Variants in NRXN1 observed in about 807,000 individuals in gnomAD.
NRXN1 encodes neurexin 1, also known as neurexin-1.
In NRXN1, 39 loss-of-function variants were observed where a neutral mutation model predicts 150.9. The observed-to-expected ratio is 0.26, with a 90% CI of 0.20 to 0.34. The LOEUF (loss-of-function observed/expected upper bound fraction) is 0.34. NRXN1 is among the 10% of genes least tolerant of loss of function. NRXN1 has a pLI of 1.00. For missense variants in NRXN1, 1,815 were observed against 1,949.9 expected, an observed-to-expected ratio of 0.93 and a Z score of 1.30; for synonymous variants, 924 against 757.0, an observed-to-expected ratio of 1.22 and a Z score of -3.62.
chr2:49,977,883 T>C (rs1284062101), intron 21 of NRXN1, among the ~76,000 whole-genome samples: 3 of 152,090 alleles, frequency 2.0e-5, no homozygotes, highest in Non-Finnish European at 2.9e-5. Context: ...GGACAGAAAA[T>C]GTAGCGGGGC....
At chr2:50,645,902 C>T (rs1345573895) in intron 5 of NRXN1, among the ~76,000 whole-genome samples, 1 of 151,836 alleles carries the variant, frequency 6.6e-6, no homozygotes, top group Non-Finnish European at 1.5e-5. Flanking sequence ...ACACATTAAA[C>T]AAATCATTCA....
At chr2:49,992,472 C>T (rs192330931) in intron 21 of NRXN1, among the ~76,000 whole-genome samples, 10 of 152,014 alleles carry the variant, frequency 6.6e-5, no homozygotes, top group Non-Finnish European at 1.2e-4. Context: ...CCCAGCTAGT[C>T]GGGAGGCTGA....
rs371328424 is a variant in NRXN1 at position 50,589,966 on chromosome 2, AC to A, written c.1320+30055del. ...CTATTATATCCTTAATACCTGGAAT[AC>A]AGCAGATTTTTCATAAGTATCTGAA... On this transcript the variant is annotated intron_variant, in intron 8 of 22. Transcript: ENST00000401669. 8.5e-5 allele frequency among the ~76,000 whole-genome samples: 13 copies of A among 152,358 alleles called. No individual in the cohort carries two copies. The East Asian group carries it at 2.5e-3, about 29-fold the overall frequency.
At chr2:50,310,473 A>G (rs1270634845) in intron 17 of NRXN1, among the ~76,000 whole-genome samples, 1 of 152,188 alleles carries the variant, frequency 6.6e-6, no homozygotes, top group Non-Finnish European at 1.5e-5. Flanking sequence ...TACTTTGTGA[A>G]GTGATATTTT....
At chr2:50,278,817 T>C (rs556836823) in intron 17 of NRXN1, among the ~76,000 whole-genome samples, 1 of 152,268 alleles carries the variant, frequency 6.6e-6, no homozygotes, top group East Asian at 1.9e-4. Context: ...TTGGGTTGAT[T>C]CTAGTAAAAA....
intron 18 of NRXN1, among the ~76,000 whole-genome samples, chr2:50,177,673 T>C (rs1365885982): frequency 6.6e-6 from 1 of 151,894 alleles, no homozygotes; most frequent in East Asian, 1.9e-4. Context: ...TAGTAGGTAC[T>C]ACAAAGGAAG....
chr2:50,145,901 A>T (rs1406377370), intron 18 of NRXN1, among the ~76,000 whole-genome samples: 1 of 151,598 alleles, frequency 6.6e-6, no homozygotes, highest in Non-Finnish European at 1.5e-5. Context: ...TGGATAGGTG[A>T]TATGGTACTA....
At chr2:50,717,325 C>A (rs1022813984) in intron 5 of NRXN1, among the ~76,000 whole-genome samples, 3 of 152,132 alleles carry the variant, frequency 2.0e-5, no homozygotes, top group Non-Finnish European at 4.4e-5. Flanking sequence ...TTATTCATCA[C>A]ACTACATGTA....
rs980293074 is a variant in NRXN1 at position 50,518,992 on chromosome 2, C to T, written c.2374+9633G>A. ...TTTTTACTGGGAAGTCATTATAATG[C>T]GTAGAAATCTATTTCTCAGTATTGT... On this transcript the variant is annotated intron_variant, in intron 12 of 22. Coordinates refer to ENST00000401669, the MANE Select transcript of NRXN1 (RefSeq NM_001330078.2). 1.1e-4 allele frequency among the ~76,000 whole-genome samples: 17 copies of T among 151,864 alleles called. No homozygotes were observed. The South Asian group carries it at 1.2e-3, about 11-fold the overall frequency.
chr2:50,444,422 C>T (rs532729265), intron 17 of NRXN1, among the ~76,000 whole-genome samples: 2 of 152,140 alleles, frequency 1.3e-5, no homozygotes, highest in African/African-American at 2.4e-5. Flanking sequence ...CCCATAATGG[C>T]GTCATATACT....
intron 17 of NRXN1, among the ~76,000 whole-genome samples, chr2:50,389,321 T>C (rs1406170419): frequency 6.7e-6 from 1 of 149,854 alleles, no homozygotes; most frequent in Non-Finnish European, 1.5e-5. Context: ...AAATATGGAA[T>C]AAAATATGAA....
intron 12 of NRXN1, among the ~76,000 whole-genome samples, chr2:50,522,858 A>C (rs2092832918): frequency 6.6e-6 from 1 of 150,438 alleles, no homozygotes; most frequent in Middle Eastern, 3.4e-3. Context: ...CAGCCTCCCA[A>C]GTAGCTGGGA....
chr2:50,332,162 G>C (rs2076876938), intron 17 of NRXN1, among the ~76,000 whole-genome samples: 1 of 152,120 alleles, frequency 6.6e-6, no homozygotes, highest in South Asian at 2.1e-4. Context: ...GGAATATTTA[G>C]GTGTTGCAGG....
rs547378114 is a variant in NRXN1, at chr2:50,308,547, T to C, written c.3365-71577A>G. On this transcript the variant is annotated intron_variant, in intron 17 of 22. Coordinates refer to ENST00000401669, the MANE Select transcript of NRXN1 (RefSeq NM_001330078.2). ...TTTTTCCAGTTTTTTGAGATGGGAGTCTTGCTATGTTGCCCAGGCAGCTGT... is the reference window on the plus strand; with the variant it reads ...TTTTTCCAGTTTTTTGAGATGGGAGCCTTGCTATGTTGCCCAGGCAGCTGT... Among the ~76,000 whole-genome samples the C allele has an allele frequency of 2.0e-5, 3 of 152,008 alleles. No individual in the cohort carries two copies. The South Asian group carries it at 6.2e-4, about 32-fold the overall frequency.
chr2:50,802,500 T>TGGAAGGAAGGAAGGAAGGAA (rs749335750), intron 5 of NRXN1, among the ~76,000 whole-genome samples: 41 of 88,344 alleles, frequency 4.6e-4, no homozygotes, highest in South Asian at 1.3e-3. Flanking sequence ...GAAAGAGAAA[T>TGGAAGGAAGGAAGGAAGGAA]GGAAGGAAGG....
At chr2:50,279,506 C>T (rs538576723) in intron 17 of NRXN1, among the ~76,000 whole-genome samples, 2 of 151,960 alleles carry the variant, frequency 1.3e-5, no homozygotes, top group African/African-American at 4.8e-5. Context: ...GGTTGTCTGC[C>T]CCAGGATCAT....
chr2:50,507,957 A>T (rs1226823970), intron 12 of NRXN1, among the ~76,000 whole-genome samples: 2 of 152,026 alleles, frequency 1.3e-5, no homozygotes, highest in African/African-American at 4.8e-5. Context: ...ACGGGAGGAT[A>T]TATGAGAAAG....
chr2:50,537,143 C>A (rs987630812), intron 10 of NRXN1, among the ~76,000 whole-genome samples: 1 of 151,976 alleles, frequency 6.6e-6, no homozygotes, highest in African/African-American at 2.4e-5. Context: ...CAAAACAACC[C>A]CTCTTTTTCC....
intron 17 of NRXN1, among the ~76,000 whole-genome samples, chr2:50,383,882 C>G (rs1261684130): frequency 6.6e-6 from 1 of 152,132 alleles, no homozygotes. Context: ...ACAAAAAGAC[C>G]AGTTGGGAAC....
Sources: gnomAD v4.1 joint callset for allele counts (sites outside exome capture counted in the v4.1 genomes callset) on GRCh38, gnomAD v4.1.1 for gene constraint, MANE v1.5 for transcripts, NCBI Gene and HGNC (gene_info 2026-07-23, HGNC 2026-07-21) for gene names.